Variants in USP1 observed in about 807,000 individuals in gnomAD.
USP1 encodes the protein ubiquitin specific peptidase 1.
USP1 carries 18 observed loss-of-function variants against 72.2 expected under a neutral mutation model. The observed-to-expected ratio is 0.25, with a 90% CI of 0.17 to 0.37. The LOEUF is 0.37. Ranked by LOEUF, USP1 falls within the 10% of genes least tolerant of loss-of-function variation. The pLI, the probability that USP1 is intolerant of heterozygous loss-of-function variation, is 1.00. For missense variants in USP1, 759 were observed against 884.9 expected (o/e 0.86, Z 1.81); for synonymous variants, 354 against 303.7 (o/e 1.17, Z -1.72).
intron 7 of USP1, 131 bp from the exon 8 acceptor site, chr1:62,448,334 A>G (rs1276751240): frequency 2.4e-5 from 21 of 870,606 alleles, no homozygotes; most frequent in Non-Finnish European, 3.7e-5. Flanking sequence ...TTCTGAAAGT[A>G]AAAATCTCTT....
chr1:62,448,193 CAT>C (rs1166529673), intron 7 of USP1, among the ~76,000 whole-genome samples: 1 of 152,182 alleles, frequency 6.6e-6, no homozygotes, highest in Non-Finnish European at 1.5e-5. Flanking sequence ...TTACCTATCA[CAT>C]ATTGAAAGTT....
Position 62,440,028 on chromosome 1 carries a change from C to T in USP1, c.161C>T (p.Ala54Val). 6.6e-7 allele frequency: 1 copy of T among 1,519,396 alleles called. No individual in the cohort carries two copies. Among genetic ancestry groups the T allele is most frequent in the Non-Finnish European group, 8.8e-7 (1 of 1,140,506 alleles). 94.1% of individuals were successfully genotyped at this position (1,519,396 alleles called of 1,614,324 possible). The part of the protein sequence containing the change: ...ENEEKASEYR[A>V]SEIDQVVPAA... Reference sequence around the variant, plus strand: ...GAAGAAAAAGCTTCTGAATATAGAGCATCTGAAATGTATGTATCTTACATT... The same window carrying T: ...GAAGAAAAAGCTTCTGAATATAGAGTATCTGAAATGTATGTATCTTACATT... Residue 54 changes from alanine (A) to valine (V), a missense_variant, in exon 2 of 9, where the codon GCA (alanine) becomes GTA (valine). By Grantham distance (64) the Ala-to-Val change is moderately conservative. Transcript: ENST00000339950.
rs762104275 is a variant in USP1, at chr1:62,445,033, A to C, written c.853A>C (p.Lys285Gln). ...ATTTGGTAACATGAAGAAAAAAGTTAAATTATCCAAGGAACACCAGTCATT... is the reference window on the plus strand; with the variant it reads ...ATTTGGTAACATGAAGAAAAAAGTTCAATTATCCAAGGAACACCAGTCATT... ...TEFGNMKKKV[K>Q]LSKEHQSLEE... Residue 285 changes from lysine (K) to glutamine (Q), a missense_variant, in exon 6 of 9, where the codon AAA becomes CAA. Physicochemically the swap from Lys to Gln is moderately conservative, Grantham distance 53. This residue lies in a region of USP1 where 245 missense variants were observed against 240.7 expected (regional missense o/e 1.02). Transcript: ENST00000339950. 6.8e-6 allele frequency: 11 copies of C among 1,613,198 alleles called. No homozygotes were observed. Among genetic ancestry groups the C allele is most frequent in the Non-Finnish European group, 9.3e-6 (11 of 1,179,826 alleles).
rs1571126040 is a variant in USP1, at chr1:62,437,086, A to G, written c.-384A>G. On this transcript the variant is annotated 5_prime_UTR_variant, in exon 1 of 9. Transcript: ENST00000339950. ...AGTTCCCCTCGGTGGCGGAGTGCTA[A>G]AGACCCTAGCGGTTCAGGCGTTCGG... 18 of 398,912 alleles carry G rather than the reference A, an allele frequency of 4.5e-5. No homozygotes were observed. The East Asian group carries it at 6.4e-4, about 14-fold the overall frequency. 24.7% of individuals were successfully genotyped at this position (398,912 alleles called of 1,614,324 possible).
At chr1:62,442,093 A>G in intron 3 of USP1, 102 bp from the exon 4 acceptor site, 1 of 759,976 alleles carries the variant, frequency 1.3e-6, no homozygotes, top group Non-Finnish European at 2.1e-6. Context: ...ATTTTAGGGT[A>G]ATACATGTTA....
In USP1 at chr1:62,443,281, A is replaced by C. The variant is rs1401957418; in HGVS notation, c.519A>C (p.Glu173Asp). ...TAAATCCAGAGAAATATACTGATGA[A>C]CTTGCCACTCAGCCAAGGCGACTGC... ...FLLNPEKYTD[E>D]LATQPRRLLN... Residue 173 changes from glutamate (E) to aspartate (D), a missense_variant, in exon 5 of 9, where the codon GAA (glutamate) becomes GAC (aspartate). Physicochemically the swap from Glu to Asp is conservative, Grantham distance 45. This residue lies in a region of USP1 where 16 missense variants were observed against 44.6 expected (regional missense o/e 0.36). Coordinates refer to ENST00000339950, the MANE Select transcript of USP1 (RefSeq NM_003368.5). The C allele has an allele frequency of 6.2e-7, 1 of 1,613,418 alleles. No homozygotes were observed. Among genetic ancestry groups the C allele is most frequent in the Non-Finnish European group, 8.5e-7 (1 of 1,179,824 alleles).
Position 62,443,216 on chromosome 1 carries a change from T to C in USP1, c.454T>C (p.Leu152=), listed in dbSNP as rs773662752. 1 of 1,614,062 alleles carries C rather than the reference T, an allele frequency of 6.2e-7. No homozygotes were observed. The highest frequency in any genetic ancestry group is 8.5e-7 in the Non-Finnish European group (1 of 1,180,000). ...SYELICSLQS[L]IISVEQLQAS... is the part of the protein sequence containing the mutation. ...TGAATTGATATGCAGTTTACAGTCC[T>C]TAATCATTTCGGTTGAACAGCTCCA... Residue 152 remains leucine (L), a synonymous_variant, in exon 5 of 9, where the codon TTA becomes CTA. Transcript: ENST00000339950.
rs1645157842 is a variant in USP1 at position 62,444,729 on chromosome 1, T to A, written c.558-9T>A. ...CTAGAATAGATGAAATGGAAATTTT[T>A]ATTTATAGGGAACTCAACCCTATGT... On this transcript the variant is annotated splice_polypyrimidine_tract_variant and intron_variant, in intron 5 of 8. Coordinates refer to ENST00000339950, the MANE Select transcript of USP1 (RefSeq NM_003368.5). The A allele has an allele frequency of 5.3e-6, 8 of 1,516,272 alleles. No homozygotes were observed. The highest frequency in any genetic ancestry group is 7.0e-6 in the Non-Finnish European group (8 of 1,140,244). 93.9% of individuals were successfully genotyped at this position (1,516,272 alleles called of 1,614,324 possible). A position where few individuals can be genotyped will look rare whatever the true frequency, so the allele number is the denominator to read the frequency against.
chr1:62,447,539 C>A, intron 7 of USP1, 28 bp downstream of exon 7: 1 of 1,588,458 alleles, frequency 6.3e-7, no homozygotes, highest in South Asian at 1.1e-5. Flanking sequence ...CTTGTGTGGA[C>A]CATGATGGAA....
chr1:62,448,405 T>A, intron 7 of USP1, 60 bp from the exon 8 acceptor site: 2 of 1,510,422 alleles, frequency 1.3e-6, no homozygotes, highest in Non-Finnish European at 1.8e-6. Context: ...CCTGAAACTT[T>A]GTGGTTTATT....
intron 5 of USP1, among the ~76,000 whole-genome samples, chr1:62,443,863 A>T (rs1347347373): frequency 6.6e-6 from 1 of 152,202 alleles, no homozygotes; most frequent in Non-Finnish European, 1.5e-5. Flanking sequence ...TTACATATAA[A>T]ATAGCCTTAT....
Position 62,439,884 on chromosome 1 carries a change from C to T in USP1, c.17C>T (p.Pro6Leu), listed in dbSNP as rs750967800. 7.4e-6 allele frequency: 11 copies of T among 1,486,192 alleles called. No homozygotes were observed. Among genetic ancestry groups the T allele is most frequent in the Non-Finnish European group, 1.8e-6 (2 of 1,120,588 alleles). 92.1% of individuals were successfully genotyped at this position (1,486,192 alleles called of 1,614,324 possible). MPGVI[P>L]SESNGLSRGS... Reference sequence around the variant, plus strand: ...AAGAAAAAAATGCCTGGTGTCATACCTAGTGAAAGTAATGGACTTTCAAGA... The same window carrying T: ...AAGAAAAAAATGCCTGGTGTCATACTTAGTGAAAGTAATGGACTTTCAAGA... The change falls in exon 2 of 9, where the codon CCT (proline) becomes CTT (leucine). Residue 6 changes from proline (P) to leucine (L), a missense_variant. Pro to Leu is a moderately conservative substitution (Grantham distance 98). This residue lies in a region of USP1 where 86 missense variants were observed against 82.0 expected (regional missense o/e 1.05). Transcript: ENST00000339950.
chr1:62,443,468 C>T, intron 5 of USP1, 149 bp downstream of exon 5: 1 of 808,744 alleles, frequency 1.2e-6, no homozygotes, highest in Non-Finnish European at 1.8e-6. Context: ...ACTCTGAATA[C>T]TGGAAATTTT....
At chr1:62,442,608 G>A (rs1645141681) in intron 4 of USP1, among the ~76,000 whole-genome samples, 1 of 152,058 alleles carries the variant, frequency 6.6e-6, no homozygotes, top group African/African-American at 2.4e-5. Flanking sequence ...TTCAAATTGA[G>A]TTAAAATTTA....
chr1:62,447,006 G>C (rs1481098331), intron 6 of USP1, among the ~76,000 whole-genome samples: 13 of 152,030 alleles, frequency 8.6e-5, no homozygotes. Flanking sequence ...TGGAGACAGG[G>C]TTTCTCCATG....
At chr1:62,439,548 TA>T (rs1439559856) in intron 1 of USP1, among the ~76,000 whole-genome samples, 19 of 152,390 alleles carry the variant, frequency 1.2e-4, no homozygotes, top group African/African-American at 4.1e-4. Context: ...GGATATTTTG[TA>T]ATGCGACCCT....
chr1:62,440,709 G>C (rs1404070285), intron 2 of USP1, among the ~76,000 whole-genome samples: 1 of 152,052 alleles, frequency 6.6e-6, no homozygotes, highest in Non-Finnish European at 1.5e-5. Context: ...TGAGAGTGAA[G>C]CTTTTGTTTA....
chr1:62,448,604 G>A lies in USP1; in HGVS notation c.1560G>A (p.Leu520=). Residue 520 remains leucine, a synonymous_variant, in exon 8 of 9, where the codon TTG becomes TTA. Coordinates refer to ENST00000339950, the MANE Select transcript of USP1 (RefSeq NM_003368.5). ...ATACTGAAGCTGAACGAAGTCTTTT[G>A]TTTGACAAAATGCCTGAAGTTATAA... is the stretch of plus-strand genomic sequence containing the variant. The part of the protein sequence containing the change: ...HHYTEAERSL[L]FDKMPEVITI... 1 of 1,613,764 alleles carries A rather than the reference G, an allele frequency of 6.2e-7. No individual in the cohort carries two copies. The highest frequency in any genetic ancestry group is 8.5e-7 in the Non-Finnish European group (1 of 1,179,900).
In USP1 at chr1:62,447,239, ACT is replaced by A. The variant is rs1397837225; in HGVS notation, c.1250-101_1250-100del. ...TAATAAGCTGATCTATGAAAATGGA[ACT>A]GTTATTCATGATATACTTTATTTAA... On this transcript the variant is annotated intron_variant, in intron 6 of 8. Transcript: ENST00000339950. 2.7e-6 allele frequency: 3 copies of A among 1,127,150 alleles called. No individual in the cohort carries two copies. The African/African-American group carries it at 4.8e-5, about 18-fold the overall frequency. The allele number at this position is 1,127,150 out of a possible 1,614,324, so 69.8% of individuals were successfully genotyped here. A position where few individuals can be genotyped will look rare whatever the true frequency, so the allele number is the denominator to read the frequency against.
Sources: gnomAD v4.1 joint callset for allele counts (sites outside exome capture counted in the v4.1 genomes callset) on GRCh38, gnomAD v4.1.1 for gene constraint, gnomAD v4.1.1 regional missense constraint, MANE v1.5 for transcripts, NCBI Gene and HGNC (gene_info 2026-07-23, HGNC 2026-07-21) for gene names.